SCHIP1: variants seen among roughly 807,000 people sequenced by gnomAD.
SCHIP1 encodes the protein schwannomin interacting protein 1, also known as schwannomin-interacting protein 1.
In SCHIP1, 8 loss-of-function variants were observed where a neutral mutation model predicts 29.7. The observed-to-expected ratio is 0.27, with a 90% CI of 0.16 to 0.49. SCHIP1 has a LOEUF of 0.49. Ranked by LOEUF, SCHIP1 falls within the 20% of genes least tolerant of loss-of-function variation. SCHIP1 has a pLI of 0.99. For missense variants in SCHIP1, 193 were observed against 294.6 expected, an observed-to-expected ratio of 0.66 and a Z score of 2.52; for synonymous variants, 76 against 94.9, an observed-to-expected ratio of 0.80 and a Z score of 1.16.
At chr3:159,607,570 G>T in the SCHIP1 span, among the ~76,000 whole-genome samples, 1 of 152,112 alleles carries the variant, frequency 6.6e-6, no homozygotes, top group African/African-American at 2.4e-5. Flanking sequence ...GAGAACCAGG[G>T]CCACAGAGAA....
chr3:159,866,112 T>C, intron 1 of SCHIP1, 51 bp from the exon 3 acceptor site: 1 of 1,530,258 alleles, frequency 6.5e-7, no homozygotes, highest in Non-Finnish European at 9.0e-7. Context: ...TGCCTGTGGT[T>C]GTGCTATATC....
the SCHIP1 span, among the ~76,000 whole-genome samples, chr3:159,736,524 A>G: frequency 1.8e-3 from 268 of 152,268 alleles, no homozygotes; most frequent in African/African-American, 5.9e-3. Flanking sequence ...TTTCAGATGT[A>G]ATTCATTCAT....
chr3:159,887,611 G>A (rs1477053437), intron 3 of SCHIP1, 97 bp from the exon 5 acceptor site: 24 of 1,382,992 alleles, frequency 1.7e-5, no homozygotes, highest in Non-Finnish European at 2.3e-5. Flanking sequence ...ACTCTGAGCT[G>A]CTCTGAGAGA....
chr3:159,360,061 C>T, the SCHIP1 span, among the ~76,000 whole-genome samples: 1 of 152,112 alleles, frequency 6.6e-6, no homozygotes, highest in African/African-American at 2.4e-5. Flanking sequence ...CTTTTCACTG[C>T]CAAATAGTGC....
chr3:159,585,786 T>TA, the SCHIP1 span, among the ~76,000 whole-genome samples: 1 of 152,186 alleles, frequency 6.6e-6, no homozygotes, highest in African/African-American at 2.4e-5. Flanking sequence ...ATACTATATC[T>TA]AATAAAACCA....
the SCHIP1 span, among the ~76,000 whole-genome samples, chr3:159,609,173 G>A: frequency 6.6e-6 from 1 of 152,148 alleles, no homozygotes; most frequent in Non-Finnish European, 1.5e-5. Context: ...CCAGTGGAGG[G>A]AGGGCATCAA....
the SCHIP1 span, among the ~76,000 whole-genome samples, chr3:159,715,086 A>C: frequency 6.6e-6 from 1 of 152,234 alleles, no homozygotes; most frequent in East Asian, 1.9e-4. Context: ...GCCATTCTGC[A>C]ATAGTTGTGG....
At chr3:159,392,835 G>C in the SCHIP1 span, among the ~76,000 whole-genome samples, 1 of 152,122 alleles carries the variant, frequency 6.6e-6, no homozygotes, top group African/African-American at 2.4e-5. Context: ...CCCAGTAATG[G>C]GATGGCTGGG....
chr3:159,868,853 C>T (rs1560090005), intron 2 of SCHIP1, among the ~76,000 whole-genome samples: 1 of 152,030 alleles, frequency 6.6e-6, no homozygotes, highest in African/African-American at 2.4e-5. Flanking sequence ...ATTGTTTACA[C>T]TTAGAATATA....
At chr3:159,765,283 C>G in the SCHIP1 span, 1 of 939,076 alleles carries the variant, frequency 1.1e-6, no homozygotes, top group Non-Finnish European at 1.5e-6. Flanking sequence ...GAGAGCCTGC[C>G]GTCTGCTCCC....
At chr3:159,476,023 G>A in the SCHIP1 span, among the ~76,000 whole-genome samples, 2 of 152,182 alleles carry the variant, frequency 1.3e-5, no homozygotes, top group Non-Finnish European at 2.9e-5. Context: ...CCTCGAAGCT[G>A]CCACTTGGGC....
chr3:159,564,380 G>A, the SCHIP1 span, among the ~76,000 whole-genome samples: 9 of 146,884 alleles, frequency 6.1e-5, no homozygotes, highest in South Asian at 4.2e-4. Flanking sequence ...CCGTTATCTT[G>A]ATTTTTTTTT....
the SCHIP1 span, among the ~76,000 whole-genome samples, chr3:159,358,494 C>T: frequency 6.6e-6 from 1 of 152,138 alleles, no homozygotes. Flanking sequence ...GGAGATTATG[C>T]CTCTGACAGG....
chr3:159,618,761 C>T, the SCHIP1 span, among the ~76,000 whole-genome samples: 1 of 152,228 alleles, frequency 6.6e-6, no homozygotes, highest in African/African-American at 2.4e-5. Context: ...GCAGCAAGTC[C>T]TCCAGCCCTC....
At chr3:159,747,238 T>C in the SCHIP1 span, among the ~76,000 whole-genome samples, 72 of 152,338 alleles carry the variant, frequency 4.7e-4, no homozygotes, top group Admixed American at 2.0e-3. Context: ...CCAACAGTCT[T>C]GGATCTGAGA....
chr3:159,766,577 G>T, the SCHIP1 span, among the ~76,000 whole-genome samples: 1 of 152,306 alleles, frequency 6.6e-6, no homozygotes, highest in South Asian at 2.1e-4. Flanking sequence ...TAAGCAGGAG[G>T]TTAGTTTGCT....
At chr3:159,397,255 C>T in the SCHIP1 span, among the ~76,000 whole-genome samples, 1 of 151,878 alleles carries the variant, frequency 6.6e-6, no homozygotes, top group African/African-American at 2.4e-5. Flanking sequence ...ACTTCTTTGC[C>T]TTTGGTTTGA....
At chr3:159,609,748 T>C in the SCHIP1 span, among the ~76,000 whole-genome samples, 2 of 152,096 alleles carry the variant, frequency 1.3e-5, no homozygotes, top group Non-Finnish European at 2.9e-5. Context: ...CCTCTGAGTG[T>C]TATGTGAGAG....
chr3:159,587,561 C>T, the SCHIP1 span, among the ~76,000 whole-genome samples: 3 of 152,142 alleles, frequency 2.0e-5, no homozygotes, highest in Admixed American at 6.6e-5. Context: ...TGTTGGTGTG[C>T]TGCACCCCTT....
Sources: allele counts gnomAD v4.1 joint callset (sites outside exome capture counted in the v4.1 genomes callset), GRCh38; gene constraint gnomAD v4.1.1; transcripts MANE v1.5; gene names NCBI Gene and HGNC (gene_info 2026-07-23, HGNC 2026-07-21).